The following SNTB1 variants were observed in gnomAD, a reference collection of about 807,000 sequenced individuals.
The protein encoded by SNTB1 is syntrophin beta 1, also known as beta-1-syntrophin.
SNTB1 carries 36 observed loss-of-function variants against 48.9 expected under a neutral mutation model. The ratio of observed to expected loss-of-function variants is 0.74; its 90% CI spans 0.56 to 0.97. The LOEUF (loss-of-function observed/expected upper bound fraction) is 0.97, where lower values mean the gene tolerates loss of function less well. Ranked by LOEUF, SNTB1 falls within the 50% of genes least tolerant of loss-of-function variation. The probability of loss-of-function intolerance (pLI) is 0.00; values close to 1 mark genes in which losing one functional copy is unlikely to be tolerated. For synonymous variants in SNTB1, 299 were observed against 294.6 expected (o/e 1.01, Z -0.15); for missense variants, 786 against 703.4 (o/e 1.12, Z -1.33).
intron 3 of SNTB1, among the ~76,000 whole-genome samples, chr8:120,591,410 G>A (rs1306588873): frequency 1.3e-5 from 2 of 151,982 alleles, no homozygotes; most frequent in African/African-American, 4.8e-5. Flanking sequence ...AGATCTAAGG[G>A]TCAAAGGTGT....
chr8:120,782,911 T>C (rs1819853632), intron 1 of SNTB1, among the ~76,000 whole-genome samples: 1 of 152,218 alleles, frequency 6.6e-6, no homozygotes, highest in Admixed American at 6.5e-5. Flanking sequence ...CAAGTTTCTC[T>C]TTGATTTCCA....
intron 1 of SNTB1, among the ~76,000 whole-genome samples, chr8:120,702,214 C>T (rs566854577): frequency 3.2e-4 from 48 of 152,160 alleles, no homozygotes; most frequent in Non-Finnish European, 6.3e-4. Flanking sequence ...GTGCCTGTTG[C>T]GGCACAGGGT....
intron 3 of SNTB1, among the ~76,000 whole-genome samples, chr8:120,624,030 G>C (rs571652288): frequency 6.6e-6 from 1 of 152,022 alleles, no homozygotes; most frequent in Admixed American, 6.6e-5. Context: ...CTCTGCCTCC[G>C]GGGTTGAAGT....
chr8:120,767,411 G>A (rs2130086220), intron 1 of SNTB1, among the ~76,000 whole-genome samples: 1 of 152,268 alleles, frequency 6.6e-6, no homozygotes, highest in African/African-American at 2.4e-5. Context: ...TATATAAAGT[G>A]TTCATACACA....
At chr8:120,646,947 T>C (rs1817307638) in intron 2 of SNTB1, among the ~76,000 whole-genome samples, 1 of 151,960 alleles carries the variant, frequency 6.6e-6, no homozygotes, top group African/African-American at 2.4e-5. Flanking sequence ...TCTAGTTTAT[T>C]TGCGTAGAGG....
chr8:120,712,690 T>G (rs1477893691), intron 1 of SNTB1, among the ~76,000 whole-genome samples: 1 of 152,292 alleles, frequency 6.6e-6, no homozygotes, highest in East Asian at 1.9e-4. Flanking sequence ...ATTTACCCTT[T>G]AACCAAAACT....
Position 120,693,745 on chromosome 8 carries a change from G to A in SNTB1, c.735C>T (p.Pro245=). The A allele has an allele frequency of 1.2e-6, 2 of 1,613,832 alleles. No individual in the cohort carries two copies. The highest frequency in any genetic ancestry group is 1.1e-5 in the South Asian group (1 of 91,034). The change falls in exon 2 of 7, where the codon CCC becomes CCT. Residue 245 remains proline (P), a synonymous_variant. Transcript: ENST00000517992. The part of the protein sequence containing the change: ...FSFHRDRKSI[P]LKMCYVTRSM... ...TCCGAGTGACGTAGCACATTTTGAG[G>A]GGGATGCTTTTCCGGTCTCTGTGGA... is the stretch of plus-strand genomic sequence containing the variant.
intron 2 of SNTB1, among the ~76,000 whole-genome samples, chr8:120,654,006 C>G (rs1210697208): frequency 1.6e-5 from 2 of 123,016 alleles, no homozygotes; most frequent in Admixed American, 2.1e-4. Flanking sequence ...CGCCACTGCA[C>G]TCCAGCCTGG....
At chr8:120,781,084 A>G (rs760701405) in intron 1 of SNTB1, among the ~76,000 whole-genome samples, 16 of 152,208 alleles carry the variant, frequency 1.1e-4, no homozygotes, top group Non-Finnish European at 2.2e-4. Flanking sequence ...TCCATAGAGA[A>G]TGAGACTCCA....
intron 1 of SNTB1, among the ~76,000 whole-genome samples, chr8:120,733,568 TAAA>T (rs1324736976): frequency 3.3e-5 from 5 of 152,228 alleles, no homozygotes; most frequent in Admixed American, 2.6e-4. Context: ...TGGTCCCTTC[TAAA>T]AGAAGGAATG....
rs1815297381 is a variant in SNTB1, at chr8:120,542,036, G to A, written c.1334-36C>T. On this transcript the variant is annotated intron_variant, in intron 5 of 6. Transcript: ENST00000517992. Reference sequence around the variant, plus strand: ...AAGAGAGAGAAAAAGAGACAAGTATGAACCATGGCAATCAATCCATTTTCC... The same window carrying A: ...AAGAGAGAGAAAAAGAGACAAGTATAAACCATGGCAATCAATCCATTTTCC... 7.1e-6 allele frequency: 11 copies of A among 1,548,784 alleles called. No homozygotes were observed. In the East Asian group the frequency reaches 9.1e-5, roughly 13 times the overall value.
At chr8:120,578,008 G>GA (rs1022538257) in intron 3 of SNTB1, among the ~76,000 whole-genome samples, 3 of 152,072 alleles carry the variant, frequency 2.0e-5, no homozygotes, top group African/African-American at 7.2e-5. Flanking sequence ...CCAAAGGGGG[G>GA]AAAAATCATG....
At chr8:120,598,281 C>G (rs932583391) in intron 3 of SNTB1, among the ~76,000 whole-genome samples, 3 of 152,216 alleles carry the variant, frequency 2.0e-5, no homozygotes, top group Non-Finnish European at 4.4e-5. Context: ...CATTGGGTCT[C>G]CACATTTCCA....
At chr8:120,558,484 A>G (rs1490007487) in intron 4 of SNTB1, among the ~76,000 whole-genome samples, 1 of 152,344 alleles carries the variant, frequency 6.6e-6, no homozygotes, top group South Asian at 2.1e-4. Flanking sequence ...AAATTCAGAA[A>G]CACATTCCCA....
intron 1 of SNTB1, among the ~76,000 whole-genome samples, chr8:120,715,129 C>T (rs1818533117): frequency 6.6e-6 from 1 of 152,234 alleles, no homozygotes; most frequent in African/African-American, 2.4e-5. Flanking sequence ...TTTCATTCTC[C>T]TCTACATGCA....
At chr8:120,791,152 G>C (rs751197000) in intron 1 of SNTB1, among the ~76,000 whole-genome samples, 1 of 151,662 alleles carries the variant, frequency 6.6e-6, no homozygotes, top group Non-Finnish European at 1.5e-5. Context: ...CATAAATAAA[G>C]TCAAATACAA....
intron 1 of SNTB1, among the ~76,000 whole-genome samples, chr8:120,748,338 A>T (rs1819159807): frequency 6.6e-6 from 1 of 152,144 alleles, no homozygotes; most frequent in African/African-American, 2.4e-5. Context: ...CCACATAAAT[A>T]GAGATGACAA....
intron 1 of SNTB1, among the ~76,000 whole-genome samples, chr8:120,810,392 T>C (rs1180941323): frequency 3.9e-5 from 6 of 152,138 alleles, no homozygotes; most frequent in African/African-American, 1.4e-4. Context: ...CGGTGGTTCC[T>C]ATTCTATTCA....
intron 3 of SNTB1, among the ~76,000 whole-genome samples, chr8:120,603,045 A>G (rs1402366235): frequency 1.3e-5 from 2 of 152,022 alleles, no homozygotes; most frequent in Non-Finnish European, 2.9e-5. Flanking sequence ...GGCTATCGCC[A>G]TAATATAGTT....
Sources: allele counts gnomAD v4.1 joint callset (sites outside exome capture counted in the v4.1 genomes callset), GRCh38; gene constraint gnomAD v4.1.1; transcripts MANE v1.5; gene names NCBI Gene and HGNC (gene_info 2026-07-23, HGNC 2026-07-21).